Variants in LRRK1 observed in about 807,000 individuals in gnomAD.
LRRK1 encodes leucine-rich repeat serine/threonine-protein kinase 1.
A neutral mutation model predicts 209.1 loss-of-function variants in LRRK1; 113 were observed. The ratio of observed to expected loss-of-function variants is 0.54; its 90% CI spans 0.46 to 0.63. The LOEUF (loss-of-function observed/expected upper bound fraction) is 0.63, where lower values mean the gene tolerates loss of function less well. Among genes scored for constraint, LRRK1 ranks in the 30% least tolerant of loss-of-function variants. The probability of loss-of-function intolerance (pLI) is 0.00; values close to 1 mark genes in which losing one functional copy is unlikely to be tolerated. For synonymous variants in LRRK1, 1,144 were observed against 1,099.7 expected, an observed-to-expected ratio of 1.04 and a Z score of -0.80; for missense variants, 2,284 against 2,632.2, an observed-to-expected ratio of 0.87 and a Z score of 2.89.
chr15:101,004,568 T>G (rs540404306), intron 6 of LRRK1, among the ~76,000 whole-genome samples: 1 of 152,336 alleles, frequency 6.6e-6, no homozygotes, highest in East Asian at 1.9e-4. Flanking sequence ...CGGTTGGCCA[T>G]GCTGTCTGCC....
chr15:100,962,072 C>G (rs747488878), intron 2 of LRRK1, among the ~76,000 whole-genome samples: 3 of 152,266 alleles, frequency 2.0e-5, no homozygotes, highest in Non-Finnish European at 4.4e-5. Context: ...ACAGTTGCTT[C>G]AATATAGATA....
chr15:101,067,330 C>G (rs77600629), intron 33 of LRRK1: 6,386 of 455,960 alleles, frequency 0.014, 260 homozygotes, highest in East Asian at 0.13. Context: ...GAGGCTGGCG[C>G]CAGCTGCAGC....
At chr15:100,936,682 A>T (rs1300208197) in intron 2 of LRRK1, among the ~76,000 whole-genome samples, 1 of 152,092 alleles carries the variant, frequency 6.6e-6, no homozygotes, top group East Asian at 1.9e-4. Flanking sequence ...GGCTGCTTCT[A>T]TGGGGCAACT....
At chr15:100,973,474 C>T (rs2031071252) in intron 2 of LRRK1, among the ~76,000 whole-genome samples, 1 of 152,210 alleles carries the variant, frequency 6.6e-6, no homozygotes, top group African/African-American at 2.4e-5. Context: ...CGCCAAAGCC[C>T]CTGCGCCTCC....
rs114296211 is a variant in LRRK1 at position 101,054,492 on chromosome 15, G to A, written c.4055-454G>A. On this transcript the variant is annotated intron_variant, in intron 26 of 33. Coordinates refer to ENST00000388948, the MANE Select transcript of LRRK1 (RefSeq NM_024652.6). ...CCTTTATGGCAGTCTGGTGAATAGT[G>A]AGAATGTGTCAATGGAATATAAAGT... Among the ~76,000 whole-genome samples, 334 of 152,324 alleles carry A rather than the reference G, an allele frequency of 2.2e-3. 3 individuals carry two copies. The highest frequency in any genetic ancestry group is 8.1e-3 in the East Asian group (42 of 5,190).
chr15:100,926,120 G>A (rs1052934538), intron 2 of LRRK1, among the ~76,000 whole-genome samples: 2 of 152,238 alleles, frequency 1.3e-5, no homozygotes, highest in Non-Finnish European at 2.9e-5. Flanking sequence ...AATGGGAAAC[G>A]AATTTGCTTC....
rs1192413384 is a variant in LRRK1 at position 100,973,895 on chromosome 15, G to A, written c.189G>A (p.Arg63=). ...CGGAAGGCATCCGCGCCGCGTACAG[G>A]CGGGGAGACCGCGGCGGCGCCCGGG... ...RRTEGIRAAY[R]RGDRGGARDL... The change falls in exon 3 of 34, where the codon AGG becomes AGA. Residue 63 remains arginine (R), a synonymous_variant. Coordinates refer to ENST00000388948, the MANE Select transcript of LRRK1 (RefSeq NM_024652.6). 1.6e-6 allele frequency: 2 copies of A among 1,271,700 alleles called. No homozygotes were observed. Among genetic ancestry groups the A allele is most frequent in the Non-Finnish European group, 2.0e-6 (2 of 1,003,444 alleles). 78.8% of individuals were successfully genotyped at this position (1,271,700 alleles called of 1,614,324 possible).
intron 26 of LRRK1, 72 bp downstream of exon 26, chr15:101,053,492 G>A: frequency 7.4e-7 from 1 of 1,355,548 alleles, no homozygotes; most frequent in Non-Finnish European, 1.0e-6. Context: ...CTGGCACGGG[G>A]GGTAGAGCCT....
intron 2 of LRRK1, among the ~76,000 whole-genome samples, chr15:100,926,391 A>G (rs1296181741): frequency 6.6e-6 from 1 of 152,126 alleles, no homozygotes; most frequent in Admixed American, 6.5e-5. Flanking sequence ...GGGTGGGGAC[A>G]GGGACCTTGG....
chr15:100,963,648 A>G (rs1219152231), intron 2 of LRRK1, among the ~76,000 whole-genome samples: 2 of 152,202 alleles, frequency 1.3e-5, no homozygotes, highest in African/African-American at 4.8e-5. Context: ...GTAGTCTTTT[A>G]GTGTGCACCG....
chr15:100,978,883 T>TA (rs2031447961), intron 3 of LRRK1, among the ~76,000 whole-genome samples: 2 of 151,620 alleles, frequency 1.3e-5, no homozygotes, highest in Admixed American at 6.6e-5. Flanking sequence ...GAACATTTTT[T>TA]AACACTTTTA....
intron 29 of LRRK1, among the ~76,000 whole-genome samples, chr15:101,060,774 G>A (rs2036121294): frequency 6.7e-6 from 1 of 148,600 alleles, no homozygotes; most frequent in Admixed American, 6.8e-5. Flanking sequence ...CACATTTTGA[G>A]TGCCCCCCCG....
intron 20 of LRRK1, among the ~76,000 whole-genome samples, chr15:101,044,858 G>A (rs1274756124): frequency 1.3e-5 from 2 of 152,236 alleles, no homozygotes; most frequent in Non-Finnish European, 1.5e-5. Context: ...AACAAACACT[G>A]AGCAGATAGA....
intron 1 of LRRK1, among the ~76,000 whole-genome samples, chr15:100,922,171 T>A (rs1209631250): frequency 1.3e-5 from 2 of 152,338 alleles, no homozygotes; most frequent in East Asian, 3.9e-4. Flanking sequence ...TGAAGACATG[T>A]AACTTGTAAT....
rs2034335652 is a variant in LRRK1, at chr15:101,032,698, C to T, written c.2963+3466C>T. ...TTTGTATATGGGGTGAAGTAGGGGT[C>T]GAGGTCCATTTTTTTCCTGTATATT... On this transcript the variant is annotated intron_variant, in intron 20 of 33. Coordinates refer to ENST00000388948, the MANE Select transcript of LRRK1 (RefSeq NM_024652.6). 2.0e-5 allele frequency among the ~76,000 whole-genome samples: 3 copies of T among 152,006 alleles called. No individual in the cohort carries two copies. The South Asian group carries it at 6.2e-4, about 32-fold the overall frequency.
At chr15:101,058,908 G>A (rs17161155) in intron 29 of LRRK1, among the ~76,000 whole-genome samples, 59,420 of 151,950 alleles carry the variant, frequency 0.39, 11,979 homozygotes, top group African/African-American at 0.47. Flanking sequence ...TAGTAAAGAC[G>A]GCATCTGGAG....
In LRRK1 at chr15:101,068,794, C is replaced by T. The variant is rs1029966506; in HGVS notation, c.5994C>T (p.Tyr1998=). 1.2e-6 allele frequency: 2 copies of T among 1,613,226 alleles called. No individual in the cohort carries two copies. The highest frequency in any genetic ancestry group is 1.8e-4 in the Middle Eastern group (1 of 5,660). Residue 1998 remains tyrosine, a synonymous_variant, in exon 34 of 34, where the codon TAC becomes TAT. Coordinates refer to ENST00000388948, the MANE Select transcript of LRRK1 (RefSeq NM_024652.6). ...GWGAREFDIF[Y]QSYEELGRLE... ...GCGCCAGGGAGTTCGACATTTTCTA[C>T]CAGTCCTACGAGGAGCTGGGCCGGC...
intron 7 of LRRK1, among the ~76,000 whole-genome samples, chr15:101,009,465 G>C (rs1003714549): frequency 2.6e-5 from 4 of 152,254 alleles, no homozygotes; most frequent in Non-Finnish European, 5.9e-5. Flanking sequence ...GACTCTGGCA[G>C]CAGGTGGACA....
Position 100,989,352 on chromosome 15 carries a change from A to T in LRRK1, c.716A>T (p.Tyr239Phe). The change falls in exon 6 of 34, where the codon TAC (tyrosine) becomes TTC (phenylalanine). Residue 239 changes from tyrosine (Y) to phenylalanine (F), a missense_variant. Transcript: ENST00000388948. ...CCCAGCAAACATCTGCTGAGAAAGT[A>T]CTTCATTGAAGCCAGTCCCTTGCCC... is the stretch of plus-strand genomic sequence containing the variant. ...PDPSKHLLRKYFIEASPLPSS... is the reference protein window; with the variant it reads ...PDPSKHLLRKFFIEASPLPSS... 1.9e-6 allele frequency: 3 copies of T among 1,614,248 alleles called. No homozygotes were observed. The highest frequency in any genetic ancestry group is 2.5e-6 in the Non-Finnish European group (3 of 1,180,032).
Sources: gnomAD v4.1 joint callset for allele counts (sites outside exome capture counted in the v4.1 genomes callset) on GRCh38, gnomAD v4.1.1 for gene constraint, MANE v1.5 for transcripts, NCBI Gene and HGNC (gene_info 2026-07-23, HGNC 2026-07-21) for gene names.